EDA: variants seen among roughly 807,000 people sequenced by gnomAD.
EDA encodes ectodysplasin A, also known as ectodysplasin-A.
Under a neutral mutation model 23.6 loss-of-function variants are expected in EDA, and 2 were observed. The observed-to-expected ratio is 0.08, with a 90% CI of 0.03 to 0.27. EDA has a LOEUF of 0.27. Among genes scored for constraint, EDA ranks in the 10% least tolerant of loss-of-function variants. The pLI, the probability that EDA is intolerant of heterozygous loss-of-function variation, is 1.00. For synonymous variants in EDA, 131 were observed against 132.0 expected (o/e 0.99, Z 0.05); for missense variants, 229 against 324.2 (o/e 0.71, Z 2.26).
intron 2 of EDA, among the ~76,000 whole-genome samples, chrX:70,005,763 T>G (rs1295346325): frequency 9.0e-6 from 1 of 110,828 alleles, no homozygotes; most frequent in Admixed American, 9.7e-5. Flanking sequence ...CATGCAGTGT[T>G]GCTTTTAAAC....
intron 1 of EDA, chrX:69,937,360 A>G (rs2018688582): frequency 3.2e-6 from 2 of 630,800 alleles, no homozygotes; most frequent in South Asian, 2.2e-5. Context: ...GGTCCTATCT[A>G]TGCCAGCTCT....
At chrX:69,831,940 C>T (rs753521552) in intron 1 of EDA, among the ~76,000 whole-genome samples, 20 of 111,369 alleles carry the variant, frequency 1.8e-4, no homozygotes, top group African/African-American at 6.5e-4. Flanking sequence ...GATATTAGCC[C>T]TTTGTCAGAT....
At chrX:69,997,223 A>G (rs2019670208) in intron 2 of EDA, among the ~76,000 whole-genome samples, 1 of 112,332 alleles carries the variant, frequency 8.9e-6, no homozygotes, top group African/African-American at 3.2e-5. Flanking sequence ...AAATGCTGAT[A>G]GTGATATAAA....
chrX:69,826,757 G>T (rs867696468), intron 1 of EDA, among the ~76,000 whole-genome samples: 148 of 104,274 alleles, frequency 1.4e-3, no homozygotes, highest in East Asian at 0.012. Context: ...GTTAGCTGGT[G>T]ATTTTGCTTG....
chrX:69,921,600 G>T (rs6625533), intron 1 of EDA, among the ~76,000 whole-genome samples: 22,383 of 109,631 alleles, frequency 0.2, 1,759 homozygotes, highest in African/African-American at 0.24. Flanking sequence ...ACACCTCTGT[G>T]GGGACAACTT....
At chrX:69,790,321 G>A (rs763641474) in intron 1 of EDA, among the ~76,000 whole-genome samples, 9 of 109,980 alleles carry the variant, frequency 8.2e-5, no homozygotes, top group East Asian at 2.8e-4. Flanking sequence ...TATGTATGTC[G>A]GGAGAGGGGG....
At chrX:69,698,175 C>T (rs2011419353) in intron 1 of EDA, among the ~76,000 whole-genome samples, 2 of 111,924 alleles carry the variant, frequency 1.8e-5, no homozygotes, top group African/African-American at 6.5e-5. Context: ...TTCCTTCTAC[C>T]TTTAAGGATT....
At chrX:69,685,785 A>G (rs1934520901) in intron 1 of EDA, among the ~76,000 whole-genome samples, 1 of 112,162 alleles carries the variant, frequency 8.9e-6, no homozygotes, top group African/African-American at 3.2e-5. Context: ...CAGCCAAACT[A>G]AAGTCAGTTC....
intron 2 of EDA, among the ~76,000 whole-genome samples, chrX:69,971,206 C>T (rs1374431179): frequency 3.6e-5 from 4 of 111,944 alleles, no homozygotes; most frequent in Admixed American, 9.5e-5. Flanking sequence ...CTCACTCACT[C>T]GTCCTCTAAT....
At chrX:69,883,802 A>G (rs1179883267) in intron 1 of EDA, among the ~76,000 whole-genome samples, 2 of 111,817 alleles carry the variant, frequency 1.8e-5, no homozygotes, top group Non-Finnish European at 3.8e-5. Context: ...TCTTAAAAAT[A>G]TGCTTTTTAG....
At chrX:69,899,646 C>A (rs753472437) in intron 1 of EDA, among the ~76,000 whole-genome samples, 2 of 110,843 alleles carry the variant, frequency 1.8e-5, no homozygotes, top group African/African-American at 6.6e-5. Flanking sequence ...TGTTCCTACC[C>A]ACTCTATTCA....
chrX:69,714,222 T>G (rs1439319055), intron 1 of EDA, among the ~76,000 whole-genome samples: 1 of 111,501 alleles, frequency 9.0e-6, no homozygotes, highest in Non-Finnish European at 1.9e-5. Context: ...CCTCTTTAGT[T>G]AAGTGTCTCT....
chrX:69,646,183 A>G (rs775203971), intron 1 of EDA, among the ~76,000 whole-genome samples: 7 of 111,591 alleles, frequency 6.3e-5, no homozygotes, highest in African/African-American at 2.0e-4. Flanking sequence ...GGAGAGTTCT[A>G]TAGATATCAG....
chrX:69,971,545 C>A (rs1446644163), intron 2 of EDA, among the ~76,000 whole-genome samples: 1 of 111,499 alleles, frequency 9.0e-6, no homozygotes, highest in Non-Finnish European at 1.9e-5. Context: ...AAGCCAGTCC[C>A]CCTCCTTGAC....
chrX:70,002,589 G>C (rs1163046465), intron 2 of EDA, among the ~76,000 whole-genome samples: 23 of 111,984 alleles, frequency 2.1e-4, no homozygotes, highest in Non-Finnish European at 3.8e-5. Flanking sequence ...TATAGTCTAG[G>C]TGAAAGAGTT....
intron 1 of EDA, among the ~76,000 whole-genome samples, chrX:69,912,549 C>G (rs1015495639): frequency 5.4e-5 from 6 of 111,451 alleles, no homozygotes; most frequent in Admixed American, 2.9e-4. Context: ...AAACATTTAT[C>G]TCCTAGTACA....
intron 1 of EDA, among the ~76,000 whole-genome samples, chrX:69,732,204 A>G (rs1325385004): frequency 1.8e-5 from 2 of 111,299 alleles, no homozygotes; most frequent in Admixed American, 9.5e-5. Flanking sequence ...GCACCCATTA[A>G]CTCGTCATTT....
At chrX:69,898,310 C>T (rs1466962789) in intron 1 of EDA, among the ~76,000 whole-genome samples, 2 of 111,767 alleles carry the variant, frequency 1.8e-5, no homozygotes, top group Non-Finnish European at 3.8e-5. Context: ...TGGTGGCTCA[C>T]GCCTGTAATC....
chrX:69,949,611 T>A (rs2018884081), intron 1 of EDA, among the ~76,000 whole-genome samples: 1 of 111,645 alleles, frequency 9.0e-6, no homozygotes, highest in African/African-American at 3.3e-5. Flanking sequence ...GTGTATTGAA[T>A]CCTTAGTGTA....
Sources: allele counts gnomAD v4.1 joint callset (sites outside exome capture counted in the v4.1 genomes callset), GRCh38; gene constraint gnomAD v4.1.1; transcripts MANE v1.5; gene names NCBI Gene and HGNC (gene_info 2026-07-23, HGNC 2026-07-21).